The following SUPT7L variants were observed in gnomAD, a reference collection of about 807,000 sequenced individuals.
SUPT7L encodes STAGA complex 65 subunit gamma.
SUPT7L carries 15 observed loss-of-function variants against 35.7 expected under a neutral mutation model. The ratio of observed to expected loss-of-function variants is 0.42; its 90% CI spans 0.28 to 0.65. SUPT7L has a LOEUF of 0.65. SUPT7L is among the 30% of genes least tolerant of loss of function. SUPT7L has a pLI of 0.23. For missense variants in SUPT7L, 434 were observed against 522.2 expected, an observed-to-expected ratio of 0.83 and a Z score of 1.65; for synonymous variants, 168 against 186.2, an observed-to-expected ratio of 0.90 and a Z score of 0.79.
chr2:27,656,583 A>G (rs1674813399), intron 4 of SUPT7L, among the ~76,000 whole-genome samples: 1 of 151,074 alleles, frequency 6.6e-6, no homozygotes, highest in African/African-American at 2.4e-5. Flanking sequence ...TCAAACCATT[A>G]TATTAGCTGC....
At chr2:27,649,136 T>C (rs1337180975), downstream of SUPT7L, among the ~76,000 whole-genome samples, 1 of 151,756 alleles carries the variant, frequency 6.6e-6, no homozygotes, top group Non-Finnish European at 1.5e-5. Context: ...TCCCAGCTAC[T>C]TGGGAGGCTG....
chr2:27,657,435 C>G lies in SUPT7L; in HGVS notation c.654G>C (p.Gln218His). 1 of 1,614,260 alleles carries G rather than the reference C, an allele frequency of 6.2e-7. No homozygotes were observed. The highest frequency in any genetic ancestry group is 8.5e-7 in the Non-Finnish European group (1 of 1,180,038). Residue 218 changes from glutamine to histidine, a missense_variant, in exon 4 of 6, where the codon CAG becomes CAC. By Grantham distance (24) the Gln-to-His change is conservative. Coordinates refer to ENST00000337768, the MANE Select transcript of SUPT7L (RefSeq NM_014860.3). This position sits in a 1 kb window ranked among gnomAD's most constrained non-coding sequence, Gnocchi z 5.2. The part of the protein sequence containing the change: ...GQTPFPDVME[Q>H]VFHEVGIGSV... ...TGCCAATACCCACTTCATGGAATAC[C>G]TGCTCCATCACATCAGGAAAAGGAG...
downstream of SUPT7L, chr2:27,647,797 T>G: frequency 8.4e-7 from 1 of 1,191,114 alleles, no homozygotes; most frequent in Non-Finnish European, 1.3e-6. Flanking sequence ...AGATCACCTT[T>G]TTGAGGAGGC....
In SUPT7L at chr2:27,655,435, C is replaced by T; in HGVS notation, c.912G>A (p.Met304Ile). The T allele has an allele frequency of 6.2e-7, 1 of 1,613,982 alleles. No individual in the cohort carries two copies. Residue 304 changes from methionine (M) to isoleucine (I), a missense_variant, in exon 5 of 6, where the codon ATG (methionine) becomes ATA (isoleucine). By Grantham distance (10) the Met-to-Ile change is conservative (BLOSUM62 1). This residue lies in a region of SUPT7L where 159 missense variants were observed against 217.1 expected (regional missense o/e 0.73). Coordinates refer to ENST00000337768, the MANE Select transcript of SUPT7L (RefSeq NM_014860.3). ...DLASGDQSLP[M>I]GVLGAQSERF... ...GTTCGCTCTGAGCCCCAAGCACTCC[C>T]ATAGGCAGTGACTGGTCTCCAGAAG...
At chr2:27,646,387 T>G (rs1016860211), downstream of SUPT7L, among the ~76,000 whole-genome samples, 1 of 152,252 alleles carries the variant, frequency 6.6e-6, no homozygotes, top group African/African-American at 2.4e-5. Flanking sequence ...TCATTACTGT[T>G]GAAAATGGGA....
chr2:27,661,966 C>T (rs1427254273), intron 2 of SUPT7L: 5 of 653,662 alleles, frequency 7.6e-6, no homozygotes, highest in Admixed American at 3.0e-5. Flanking sequence ...ATTATGCTTT[C>T]AACTTTTGAC....
Position 27,653,481 on chromosome 2 carries a change from C to A in SUPT7L, c.*4G>T. The A allele has an allele frequency of 1.9e-6, 3 of 1,612,474 alleles. No homozygotes were observed. Among genetic ancestry groups the A allele is most frequent in the Non-Finnish European group, 2.5e-6 (3 of 1,179,298 alleles). ...TCTGGACAAAACATCTCCCTCTTTT[C>A]CTTTTATATTTTCCTCATCCTCTTC... On this transcript the variant is annotated 3_prime_UTR_variant, in exon 6 of 6. Coordinates refer to ENST00000337768, the MANE Select transcript of SUPT7L (RefSeq NM_014860.3).
chr2:27,655,649 G>T, intron 4 of SUPT7L, 47 bp from the exon 5 acceptor site: 1 of 1,499,674 alleles, frequency 6.7e-7, no homozygotes, highest in Non-Finnish European at 9.0e-7. Context: ...TTAAAAGCAA[G>T]TTGGATAGTC....
At chr2:27,642,956 T>TCACACACACAC in the SUPT7L span, among the ~76,000 whole-genome samples, 1 of 85,732 alleles carries the variant, frequency 1.2e-5, no homozygotes, top group Admixed American at 1.2e-4. Flanking sequence ...TATATATATA[T>TCACACACACAC]ATACACACAC....
downstream of SUPT7L, among the ~76,000 whole-genome samples, chr2:27,649,391 G>C (rs1431912305): frequency 6.6e-6 from 1 of 152,092 alleles, no homozygotes; most frequent in Non-Finnish European, 1.5e-5. Flanking sequence ...TTAAGATGTA[G>C]TTTACCAACA....
In SUPT7L at chr2:27,652,521, A is replaced by G. The variant is rs558559340; in HGVS notation, c.*964T>C. On this transcript the variant is annotated 3_prime_UTR_variant, in exon 6 of 6. Transcript: ENST00000337768. ...CTTAATAAATACTGATTCAGTACTT[A>G]TATATACAGATAGTCTGATGGATGA... The G allele has an allele frequency of 4.6e-5, 7 of 152,606 alleles. No homozygotes were observed. The highest frequency in any genetic ancestry group is 1.7e-4 in the African/African-American group (7 of 41,586). 9.5% of individuals were successfully genotyped at this position (152,606 alleles called of 1,614,324 possible).
chr2:27,663,349 G>C lies in SUPT7L; in HGVS notation c.-110C>G. The C allele has an allele frequency of 5.6e-6, 1 of 180,020 alleles. No homozygotes were observed. Among genetic ancestry groups the C allele is most frequent in the East Asian group, 1.5e-4 (1 of 6,744 alleles). 11.2% of individuals were successfully genotyped at this position (180,020 alleles called of 1,614,324 possible). Reference sequence around the variant, plus strand: ...TTTACCGAAAGGAGCACGAAGAACAGGCACGGAGCCCAAGGAATGCCCAAG... The same window carrying C: ...TTTACCGAAAGGAGCACGAAGAACACGCACGGAGCCCAAGGAATGCCCAAG... On this transcript the variant is annotated 5_prime_UTR_variant, in exon 1 of 6. Coordinates refer to ENST00000337768, the MANE Select transcript of SUPT7L (RefSeq NM_014860.3).
intron 1 of SUPT7L, 51 bp from the exon 2 acceptor site, chr2:27,662,332 T>C: frequency 5.2e-6 from 5 of 967,428 alleles, no homozygotes; most frequent in Non-Finnish European, 6.5e-6. Flanking sequence ...TGAAACATGG[T>C]AAGTACTGTT....
rs1675147342 is a variant in SUPT7L, at chr2:27,662,247, T to C, written c.-55A>G. On this transcript the variant is annotated 5_prime_UTR_variant, in exon 2 of 6. Transcript: ENST00000337768. ...CATTTATCAAATGCCAGGCATTCTG[T>C]GTCGGTCAAAGACTGATAATGTGAG... 6.3e-7 allele frequency: 1 copy of C among 1,595,086 alleles called. No individual in the cohort carries two copies. Among genetic ancestry groups the C allele is most frequent in the Admixed American group, 1.7e-5 (1 of 59,988 alleles).
chr2:27,655,484 C>A lies in SUPT7L; in HGVS notation c.863G>T (p.Ser288Ile). ...EPVSDITFPV[S>I]EELEADLASG... ...AGCAAGGTCAGCCTCCAGCTCCTCA[C>A]TGACAGGAAAAGTGATGTCGCTCAC... Residue 288 changes from serine to isoleucine, a missense_variant, in exon 5 of 6, where the codon AGT (serine) becomes ATT (isoleucine). Coordinates refer to ENST00000337768, the MANE Select transcript of SUPT7L (RefSeq NM_014860.3). 1 of 1,614,200 alleles carries A rather than the reference C, an allele frequency of 6.2e-7. No homozygotes were observed. Among genetic ancestry groups the A allele is most frequent in the Non-Finnish European group, 8.5e-7 (1 of 1,180,022 alleles).
intron 2 of SUPT7L, chr2:27,661,957 T>A (rs1426051716): frequency 1.6e-5 from 10 of 626,852 alleles, no homozygotes; most frequent in Non-Finnish European, 2.7e-6. Context: ...CTAAATGGCA[T>A]TATGCTTTCA....
In SUPT7L at chr2:27,657,704, C is replaced by T; in HGVS notation, c.420-35G>A. 1 of 1,575,458 alleles carries T rather than the reference C, an allele frequency of 6.3e-7. No individual in the cohort carries two copies. The highest frequency in any genetic ancestry group is 8.6e-7 in the Non-Finnish European group (1 of 1,158,286). On this transcript the variant is annotated intron_variant, in intron 3 of 5. Transcript: ENST00000337768. The surrounding 1 kb of genome is among the most constrained non-coding windows in gnomAD (Gnocchi z 5.2). ...GAGATACGGTGGTGTTATTAATGTT[C>T]TTGCAAAGGGGTGACCCCTCCTGTC...
the SUPT7L span, chr2:27,642,623 C>A: frequency 2.8e-6 from 2 of 725,416 alleles, no homozygotes; most frequent in African/African-American, 1.8e-5. Flanking sequence ...GTTGCCCAGG[C>A]TGGAGTCTCG....
rs1674877956 is a variant in SUPT7L, at chr2:27,657,859, T to C, written c.420-190A>G. 6.6e-6 allele frequency among the ~76,000 whole-genome samples: 1 copy of C among 152,202 alleles called. No individual in the cohort carries two copies. Among genetic ancestry groups the C allele is most frequent in the Non-Finnish European group, 1.5e-5 (1 of 68,032 alleles). On this transcript the variant is annotated intron_variant, in intron 3 of 5. Transcript: ENST00000337768. This position sits in a 1 kb window ranked among gnomAD's most constrained non-coding sequence, Gnocchi z 5.2. ...GTCTTAGCAACCCATGGTCATATCT[T>C]TGAGCTCCTCCAAAGACATAGTTTG...
Sources: allele counts gnomAD v4.1 joint callset (sites outside exome capture counted in the v4.1 genomes callset), GRCh38; gene constraint gnomAD v4.1.1; regional missense constraint gnomAD v4.1.1; non-coding constraint Gnocchi (gnomAD v3.1); transcripts MANE v1.5; gene names NCBI Gene and HGNC (gene_info 2026-07-23, HGNC 2026-07-21).